Variants in SEMA6D observed in about 807,000 individuals in gnomAD.
The protein encoded by SEMA6D is semaphorin-6D.
In SEMA6D, 35 loss-of-function variants were observed where a neutral mutation model predicts 106.6. The ratio of observed to expected loss-of-function variants is 0.33; its 90% CI spans 0.25 to 0.44. The LOEUF is 0.44. SEMA6D is among the 20% of genes least tolerant of loss of function. SEMA6D has a pLI of 1.00. For synonymous variants in SEMA6D, 499 were observed against 487.7 expected (o/e 1.02, Z -0.31); for missense variants, 1,185 against 1,345.9 (o/e 0.88, Z 1.87).
At chr15:47,734,979 G>C (rs1313140741) in intron 1 of SEMA6D, among the ~76,000 whole-genome samples, 1 of 152,072 alleles carries the variant, frequency 6.6e-6, no homozygotes, top group African/African-American at 2.4e-5. Context: ...ATTTGGATCT[G>C]TCCTTTTGTT....
In SEMA6D at chr15:47,188,159, G is replaced by C. The variant is rs541710577; in HGVS notation, c.-239+3741G>C. 3.7e-4 allele frequency among the ~76,000 whole-genome samples: 57 copies of C among 152,122 alleles called. No homozygotes were observed. The East Asian group carries it at 0.01, about 27-fold the overall frequency. On this transcript the variant is annotated intron_variant, in intron 1 of 19. Transcript: ENST00000558014. ...GGGAACATTTTATTTTAAAAGCTTAGTTTCTTCTATGAGTTTAGCTCTTAT... is the reference window on the plus strand; with the variant it reads ...GGGAACATTTTATTTTAAAAGCTTACTTTCTTCTATGAGTTTAGCTCTTAT...
chr15:47,750,048 G>A (rs1265164178), intron 1 of SEMA6D, among the ~76,000 whole-genome samples: 14 of 152,128 alleles, frequency 9.2e-5, no homozygotes, highest in Admixed American at 6.5e-5. Context: ...AGTCATTAAA[G>A]TTAGGCTAGA....
chr15:47,418,216 G>A (rs1350626578), intron 2 of SEMA6D, among the ~76,000 whole-genome samples: 1 of 152,058 alleles, frequency 6.6e-6, no homozygotes, highest in Non-Finnish European at 1.5e-5. Flanking sequence ...TCTAGGCAGA[G>A]AGAACAGTAA....
At chr15:47,624,709 T>C (rs1309418940) in intron 4 of SEMA6D, among the ~76,000 whole-genome samples, 1 of 152,148 alleles carries the variant, frequency 6.6e-6, no homozygotes, top group African/African-American at 2.4e-5. Context: ...GAGTCAGCAA[T>C]GAAGTGCCAT....
At chr15:47,566,787 G>A (rs1316235412) in intron 3 of SEMA6D, among the ~76,000 whole-genome samples, 2 of 152,228 alleles carry the variant, frequency 1.3e-5, no homozygotes, top group East Asian at 1.9e-4. Context: ...CGGATGGAAA[G>A]TGTTGCTTCC....
chr15:47,430,768 A>G (rs2041497750), intron 2 of SEMA6D, among the ~76,000 whole-genome samples: 1 of 152,060 alleles, frequency 6.6e-6, no homozygotes, highest in African/African-American at 2.4e-5. Flanking sequence ...AGAAACTACC[A>G]AGACCAAGTC....
chr15:47,195,338 CCCT>C (rs1894264898), intron 1 of SEMA6D, among the ~76,000 whole-genome samples: 1 of 152,134 alleles, frequency 6.6e-6, no homozygotes, highest in South Asian at 2.1e-4. Flanking sequence ...CCGTTCCCTG[CCCT>C]TTATCTCTGC....
intron 1 of SEMA6D, among the ~76,000 whole-genome samples, chr15:47,286,730 G>T (rs2035379030): frequency 6.6e-6 from 1 of 152,032 alleles, no homozygotes; most frequent in Non-Finnish European, 1.5e-5. Flanking sequence ...GTCTCTAGAG[G>T]TTCTAATCTC....
chr15:47,296,979 C>T (rs1274768111), intron 1 of SEMA6D, among the ~76,000 whole-genome samples: 1 of 152,130 alleles, frequency 6.6e-6, no homozygotes, highest in South Asian at 2.1e-4. Flanking sequence ...ACAGCCCTTT[C>T]TTCCCCCCGC....
At chr15:47,388,298 G>A (rs994687706) in intron 1 of SEMA6D, among the ~76,000 whole-genome samples, 4 of 152,018 alleles carry the variant, frequency 2.6e-5, no homozygotes, top group East Asian at 1.9e-4. Context: ...GTTTGCAGTC[G>A]TCCCTCCTTT....
intron 1 of SEMA6D, among the ~76,000 whole-genome samples, chr15:47,254,381 C>T (rs980372362): frequency 6.8e-6 from 1 of 148,074 alleles, no homozygotes; most frequent in African/African-American, 2.5e-5. Context: ...AAAACAGGAA[C>T]AGTTTTACTT....
At chr15:47,742,497 T>C (rs2080879972) in intron 1 of SEMA6D, among the ~76,000 whole-genome samples, 1 of 152,172 alleles carries the variant, frequency 6.6e-6, no homozygotes, top group Non-Finnish European at 1.5e-5. Flanking sequence ...GCAGAAGGTA[T>C]AACCGACCCA....
chr15:47,660,154 C>A (rs1352478838), intron 4 of SEMA6D, among the ~76,000 whole-genome samples: 2 of 150,720 alleles, frequency 1.3e-5, no homozygotes, highest in Non-Finnish European at 3.0e-5. Flanking sequence ...TCAAAAGTGT[C>A]TGCCTTAGAT....
intron 4 of SEMA6D, among the ~76,000 whole-genome samples, chr15:47,625,508 A>G (rs943188946): frequency 2.6e-5 from 4 of 152,076 alleles, no homozygotes; most frequent in African/African-American, 9.7e-5. Context: ...AGGCTGTGGC[A>G]GGCAAATTGC....
chr15:47,491,871 A>G (rs1316620588), intron 3 of SEMA6D, among the ~76,000 whole-genome samples: 1 of 152,196 alleles, frequency 6.6e-6, no homozygotes, highest in Non-Finnish European at 1.5e-5. Context: ...AGCAGAAGGC[A>G]GATAAAAAAA....
chr15:47,272,120 A>T (rs1426939717), intron 1 of SEMA6D, among the ~76,000 whole-genome samples: 1 of 152,196 alleles, frequency 6.6e-6, no homozygotes, highest in African/African-American at 2.4e-5. Context: ...TAGGTGTCTG[A>T]TGATGAGCTA....
At chr15:47,389,590 TTTCAATGCAAACC>T (rs2039961159) in intron 1 of SEMA6D, among the ~76,000 whole-genome samples, 1 of 152,228 alleles carries the variant, frequency 6.6e-6, no homozygotes, top group African/African-American at 2.4e-5. Flanking sequence ...GCAAATCAAC[TTTCAATGCAAACC>T]TTCAACATAA....
intron 4 of SEMA6D, among the ~76,000 whole-genome samples, chr15:47,695,919 A>G (rs1193217702): frequency 1.3e-5 from 2 of 152,204 alleles, no homozygotes; most frequent in Admixed American, 6.6e-5. Context: ...GTATTGTTAT[A>G]ACCTGGTCAT....
intron 2 of SEMA6D, among the ~76,000 whole-genome samples, chr15:47,426,578 A>G (rs905142777): frequency 2.0e-5 from 3 of 152,144 alleles, no homozygotes; most frequent in Non-Finnish European, 4.4e-5. Context: ...CTGCTAGTTT[A>G]AAAGCACAGG....
Sources: gnomAD v4.1 joint callset for allele counts (sites outside exome capture counted in the v4.1 genomes callset) on GRCh38, gnomAD v4.1.1 for gene constraint, MANE v1.5 for transcripts, NCBI Gene and HGNC (gene_info 2026-07-23, HGNC 2026-07-21) for gene names.